PPP1R16B: variants seen among roughly 807,000 people sequenced by gnomAD.
PPP1R16B encodes the protein protein phosphatase 1 regulatory inhibitor subunit 16B.
PPP1R16B carries 14 observed loss-of-function variants against 61.7 expected under a neutral mutation model. The ratio of observed to expected loss-of-function variants is 0.23; its 90% CI spans 0.15 to 0.35. The LOEUF (loss-of-function observed/expected upper bound fraction) is 0.35. PPP1R16B is among the 10% of genes least tolerant of loss of function. PPP1R16B has a pLI of 1.00. For synonymous variants in PPP1R16B, 266 were observed against 305.3 expected (o/e 0.87, Z 1.34); for missense variants, 547 against 752.5 (o/e 0.73, Z 3.19).
intron 1 of PPP1R16B, among the ~76,000 whole-genome samples, chr20:38,826,242 A>G (rs143789341): frequency 6.6e-6 from 1 of 152,286 alleles, no homozygotes; most frequent in Non-Finnish European, 1.5e-5. Flanking sequence ...TCAAGCCTGG[A>G]GAAACTGTTT....
chr20:38,812,573 C>T (rs541725430), intron 1 of PPP1R16B, among the ~76,000 whole-genome samples: 4 of 152,202 alleles, frequency 2.6e-5, no homozygotes, highest in East Asian at 1.9e-4. Flanking sequence ...CAATTCTGTA[C>T]GAAAGAGGAG....
intron 2 of PPP1R16B, among the ~76,000 whole-genome samples, chr20:38,837,499 TAC>T (rs2084879483): frequency 6.6e-6 from 1 of 151,882 alleles, no homozygotes; most frequent in Non-Finnish European, 1.5e-5. Flanking sequence ...CAAACATGTA[TAC>T]ACATTCATAC....
chr20:38,877,959 T>TTA (rs2085179761), intron 2 of PPP1R16B, among the ~76,000 whole-genome samples: 1 of 124,670 alleles, frequency 8.0e-6, no homozygotes, highest in Admixed American at 7.3e-5. Flanking sequence ...GTTGTTTTTT[T>TTA]TTTTTTTTTT....
At chr20:38,849,134 T>A (rs2084952121) in intron 2 of PPP1R16B, among the ~76,000 whole-genome samples, 1 of 152,212 alleles carries the variant, frequency 6.6e-6, no homozygotes, top group Non-Finnish European at 1.5e-5. Context: ...TTGTTGTTAC[T>A]GTTTTCGTAT....
intron 1 of PPP1R16B, among the ~76,000 whole-genome samples, chr20:38,820,887 A>AT (rs1245735060): frequency 1.3e-5 from 2 of 151,174 alleles, no homozygotes; most frequent in Non-Finnish European, 2.9e-5. Flanking sequence ...ATATATATAT[A>AT]AAAATTAGCT....
chr20:38,873,468 T>A (rs1444899741), intron 2 of PPP1R16B, among the ~76,000 whole-genome samples: 1 of 152,170 alleles, frequency 6.6e-6, no homozygotes, highest in Non-Finnish European at 1.5e-5. Flanking sequence ...TAACAACAGA[T>A]GTCTGTGTTC....
chr20:38,877,900 T>G (rs1170528149), intron 2 of PPP1R16B, among the ~76,000 whole-genome samples: 1 of 152,008 alleles, frequency 6.6e-6, no homozygotes, highest in Admixed American at 6.6e-5. Context: ...TCCTTTAATT[T>G]TAGTCTCCGT....
intron 2 of PPP1R16B, among the ~76,000 whole-genome samples, chr20:38,877,378 C>T (rs558381090): frequency 2.4e-3 from 362 of 151,734 alleles, no homozygotes; most frequent in Non-Finnish European, 3.8e-3. Context: ...GGTGCGACCT[C>T]GGCCCACTGC....
chr20:38,819,203 A>G (rs2084758029), intron 1 of PPP1R16B, among the ~76,000 whole-genome samples: 1 of 152,194 alleles, frequency 6.6e-6, no homozygotes, highest in Admixed American at 6.5e-5. Context: ...AACCCTATGG[A>G]GCTTAGTTTG....
chr20:38,864,093 G>T (rs1295343705), intron 2 of PPP1R16B, among the ~76,000 whole-genome samples: 1 of 152,186 alleles, frequency 6.6e-6, no homozygotes, highest in Non-Finnish European at 1.5e-5. Flanking sequence ...GACACAAAAG[G>T]CCACGTGTTC....
At chr20:38,912,692 T>A (rs2085502435) in intron 10 of PPP1R16B, among the ~76,000 whole-genome samples, 1 of 151,360 alleles carries the variant, frequency 6.6e-6, no homozygotes, top group Admixed American at 6.6e-5. Context: ...AAAATAAAAA[T>A]AAATAAATGT....
At chr20:38,895,916 C>T (rs868064637) in intron 4 of PPP1R16B, among the ~76,000 whole-genome samples, 1,537 of 38,978 alleles carry the variant, frequency 0.039, 72 homozygotes, top group African/African-American at 0.081. Context: ...CTTCTTTCTT[C>T]CCTCCCTCCC....
chr20:38,815,881 G>A (rs1350680845), intron 1 of PPP1R16B, among the ~76,000 whole-genome samples: 4 of 152,158 alleles, frequency 2.6e-5, no homozygotes, highest in Non-Finnish European at 4.4e-5. Context: ...CCTGGAGTTG[G>A]CAGACAAATG....
At chr20:38,896,181 C>CCTCCCTT (rs1288421959) in intron 4 of PPP1R16B, among the ~76,000 whole-genome samples, 2 of 87,164 alleles carry the variant, frequency 2.3e-5, no homozygotes, top group Admixed American at 1.2e-4. Context: ...CTTCTTTCTT[C>CCTCCCTT]CCTCCCTTCC....
intron 1 of PPP1R16B, among the ~76,000 whole-genome samples, chr20:38,810,402 A>G (rs73112070): frequency 0.02 from 3,084 of 152,310 alleles, 32 homozygotes; most frequent in Non-Finnish European, 0.031. Context: ...GTGGTTCTCT[A>G]GTGAGGGTTG....
intron 1 of PPP1R16B, among the ~76,000 whole-genome samples, chr20:38,827,562 T>C (rs2016946): frequency 0.77 from 116,708 of 152,074 alleles, 45,274 homozygotes; most frequent in African/African-American, 0.89. Context: ...AGTTACGGAG[T>C]TGACCTGTGG....
rs183908229 is a variant in PPP1R16B at position 38,864,773 on chromosome 20, C to A, written c.251-24822C>A. On this transcript the variant is annotated intron_variant, in intron 2 of 10. Coordinates refer to ENST00000299824, the MANE Select transcript of PPP1R16B (RefSeq NM_015568.4). ...TGCACAGGGTGTAGGGCCTAGGTACCAGCAGAGAGCCAGGCTCTGAGAGGC... is the reference window on the plus strand; with the variant it reads ...TGCACAGGGTGTAGGGCCTAGGTACAAGCAGAGAGCCAGGCTCTGAGAGGC... 6.6e-5 allele frequency among the ~76,000 whole-genome samples: 10 copies of A among 152,234 alleles called. No homozygotes were observed. In the East Asian group the frequency reaches 1.9e-3, roughly 29 times the overall value.
chr20:38,907,704 A>C lies in PPP1R16B; in HGVS notation c.899-102A>C. ...CCTGCATGCCCTGAAAGATGCTTGG[A>C]GTTTTCAGTGGGTTGGGGTGGCAGC... On this transcript the variant is annotated intron_variant, in intron 8 of 10. Transcript: ENST00000299824. The surrounding 1 kb of genome is among the most constrained non-coding windows in gnomAD (Gnocchi z 4.5). 6.9e-7 allele frequency: 1 copy of C among 1,442,520 alleles called. No homozygotes were observed. Among genetic ancestry groups the C allele is most frequent in the Non-Finnish European group, 9.5e-7 (1 of 1,053,834 alleles). The allele number at this position is 1,442,520 out of a possible 1,614,324, so 89.4% of individuals were successfully genotyped here.
At chr20:38,896,720 T>C (rs1307954060) in intron 4 of PPP1R16B, among the ~76,000 whole-genome samples, 1 of 152,178 alleles carries the variant, frequency 6.6e-6, no homozygotes, top group African/African-American at 2.4e-5. Flanking sequence ...TCAGAATGAC[T>C]TTCATCTCGC....
Sources: allele counts gnomAD v4.1 joint callset (sites outside exome capture counted in the v4.1 genomes callset), GRCh38; gene constraint gnomAD v4.1.1; non-coding constraint Gnocchi (gnomAD v3.1); transcripts MANE v1.5; gene names NCBI Gene and HGNC (gene_info 2026-07-23, HGNC 2026-07-21).